BTRC: variants seen among roughly 807,000 people sequenced by gnomAD.
BTRC encodes beta-transducin repeat containing E3 ubiquitin protein ligase.
Under a neutral mutation model 85.5 loss-of-function variants are expected in BTRC, and 42 were observed. The observed-to-expected ratio is 0.49, with a 90% CI of 0.38 to 0.64. The LOEUF is 0.64. Ranked by LOEUF, BTRC falls within the 30% of genes least tolerant of loss-of-function variation. The probability of loss-of-function intolerance (pLI) is 0.00; values close to 1 mark genes in which losing one functional copy is unlikely to be tolerated. For synonymous variants in BTRC, 255 were observed against 263.3 expected (o/e 0.97, Z 0.30); for missense variants, 594 against 743.5 (o/e 0.80, Z 2.34).
At chr10:101,514,491 C>A (rs961128956) in intron 4 of BTRC, among the ~76,000 whole-genome samples, 1 of 150,236 alleles carries the variant, frequency 6.7e-6, no homozygotes, top group African/African-American at 2.5e-5. Flanking sequence ...AAAGCTCTGT[C>A]ACCCAATCTA....
In BTRC at chr10:101,415,459, CTTTTA is replaced by C. The variant is rs1159966259; in HGVS notation, c.49-14859_49-14855del. Among the ~76,000 whole-genome samples, 139 of 105,816 alleles carry C rather than the reference CTTTTA, an allele frequency of 1.3e-3. 2 individuals carry two copies. Among genetic ancestry groups the C allele is most frequent in the African/African-American group, 5.3e-3 (126 of 23,816 alleles). 69.4% of individuals were successfully genotyped at this position (105,816 alleles called of 152,430 possible). A position where few individuals can be genotyped will look rare whatever the true frequency, so the allele number is the denominator to read the frequency against. Reference sequence around the variant, plus strand: ...CCAAAGCCACCACACCCAGCCACCACTTTTATTTTATTTTATTTTATTTTATTTTA... The same window carrying C: ...CCAAAGCCACCACACCCAGCCACCACTTTTATTTTATTTTATTTTATTTTA... On this transcript the variant is annotated intron_variant, in intron 1 of 14. Coordinates refer to ENST00000370187, the MANE Select transcript of BTRC (RefSeq NM_033637.4).
intron 2 of BTRC, among the ~76,000 whole-genome samples, chr10:101,443,250 A>G (rs1480500501): frequency 6.6e-6 from 1 of 152,134 alleles, no homozygotes; most frequent in East Asian, 1.9e-4. Flanking sequence ...AAACCCTCCT[A>G]AGTGAAGTCA....
At chr10:101,367,059 AAT>A (rs1371852762) in intron 1 of BTRC, among the ~76,000 whole-genome samples, 7 of 79,284 alleles carry the variant, frequency 8.8e-5, no homozygotes, top group African/African-American at 2.8e-4. Flanking sequence ...TATATATATA[AAT>A]ATAAATATAT....
intron 3 of BTRC, among the ~76,000 whole-genome samples, chr10:101,473,663 G>A (rs915017458): frequency 6.6e-5 from 10 of 151,560 alleles, no homozygotes; most frequent in Non-Finnish European, 1.5e-4. Context: ...TAGAGATGGG[G>A]TTTCACCATG....
intron 4 of BTRC, among the ~76,000 whole-genome samples, chr10:101,505,141 A>ATATGTG (rs1564812178): frequency 1.8e-4 from 22 of 121,590 alleles, no homozygotes; most frequent in African/African-American, 5.8e-4. Context: ...ATATATATGT[A>ATATGTG]TATATATATG....
intron 3 of BTRC, among the ~76,000 whole-genome samples, chr10:101,463,187 A>G (rs1945276215): frequency 6.6e-6 from 1 of 152,128 alleles, no homozygotes. Flanking sequence ...CTGGGACTAC[A>G]GGTGCCCACT....
intron 1 of BTRC, among the ~76,000 whole-genome samples, chr10:101,371,423 C>T (rs916445166): frequency 3.3e-5 from 5 of 152,172 alleles, no homozygotes; most frequent in Middle Eastern, 3.4e-3. Context: ...GTGATCCGCC[C>T]GCCTCGGCCT....
intron 3 of BTRC, among the ~76,000 whole-genome samples, chr10:101,469,627 A>T (rs1471543043): frequency 6.6e-6 from 1 of 152,232 alleles, no homozygotes; most frequent in Non-Finnish European, 1.5e-5. Flanking sequence ...GGAAGTTTTC[A>T]TACAGTGAAT....
intron 2 of BTRC, among the ~76,000 whole-genome samples, chr10:101,435,353 A>C (rs1228482550): frequency 6.6e-6 from 1 of 152,130 alleles, no homozygotes; most frequent in Non-Finnish European, 1.5e-5. Flanking sequence ...ACTCCTTTCC[A>C]GTCTGTACCC....
intron 1 of BTRC, among the ~76,000 whole-genome samples, chr10:101,415,603 G>A (rs543455298): frequency 4.0e-5 from 6 of 148,844 alleles, no homozygotes; most frequent in East Asian, 3.9e-4. Flanking sequence ...GTGCAATGGC[G>A]TGATCTCGGC....
chr10:101,482,330 C>T (rs150420896), intron 4 of BTRC, among the ~76,000 whole-genome samples: 2 of 146,170 alleles, frequency 1.4e-5, no homozygotes, highest in Admixed American at 1.4e-4. Flanking sequence ...CAAGTTTTTT[C>T]TTTTTTATTT....
chr10:101,415,415 A>T (rs535747686), intron 1 of BTRC, among the ~76,000 whole-genome samples: 2 of 151,486 alleles, frequency 1.3e-5, no homozygotes, highest in East Asian at 3.9e-4. Context: ...GACTCAAGGG[A>T]TCTGCCCACC....
chr10:101,438,371 G>A (rs964030550), intron 2 of BTRC, among the ~76,000 whole-genome samples: 1 of 134,584 alleles, frequency 7.4e-6, no homozygotes, highest in Non-Finnish European at 1.5e-5. Context: ...CTTGCAGTGA[G>A]CCGAGATCGC....
intron 4 of BTRC, among the ~76,000 whole-genome samples, chr10:101,509,543 C>T (rs552800757): frequency 2.0e-5 from 3 of 148,676 alleles, no homozygotes; most frequent in Non-Finnish European, 4.5e-5. Flanking sequence ...CGTGAGCCAC[C>T]GCGCCCAGCC....
intron 1 of BTRC, among the ~76,000 whole-genome samples, chr10:101,363,338 C>T (rs1564727514): frequency 6.6e-6 from 1 of 152,152 alleles, no homozygotes; most frequent in Non-Finnish European, 1.5e-5. Context: ...AGCAGGAAAA[C>T]TGTGGGATAT....
rs1267627816 is a variant in BTRC at position 101,538,333 on chromosome 10, C to T, written c.1618C>T (p.Arg540Cys). The change falls in exon 13 of 15, where the codon CGT becomes TGT. Residue 540 changes from arginine (R) to cysteine (C), a missense_variant. By Grantham distance (180) the Arg-to-Cys change is radical. Transcript: ENST00000370187. Reference protein sequence around the residue: ...VWDLVAALDPRAPAGTLCLRT... With the variant: ...VWDLVAALDPCAPAGTLCLRT... ...GGATCTTGTGGCTGCTTTGGACCCC[C>T]GTGCTCCTGCAGGGACACTCTGTCT... 7 of 1,614,034 alleles carry T rather than the reference C, an allele frequency of 4.3e-6. No homozygotes were observed. The South Asian group carries it at 5.5e-5, about 13-fold the overall frequency.
Position 101,383,057 on chromosome 10 carries a change from ATTTT to A in BTRC, c.48+28848_48+28851del, listed in dbSNP as rs370353886. 1.4e-3 allele frequency among the ~76,000 whole-genome samples: 163 copies of A among 116,462 alleles called. 2 individuals carry two copies. The East Asian group carries it at 0.03, about 21-fold the overall frequency. The allele number at this position is 116,462 out of a possible 152,430, so 76.4% of individuals were successfully genotyped here. A position where few individuals can be genotyped will look rare whatever the true frequency, so the allele number is the denominator to read the frequency against. On this transcript the variant is annotated intron_variant, in intron 1 of 14. Coordinates refer to ENST00000370187, the MANE Select transcript of BTRC (RefSeq NM_033637.4). ...AGGACTTGTTGGGCCTTCCCTGGAGATTTTTTTTTTTTTTTTTTTTTTCTGAGAC... is the reference window on the plus strand; with the variant it reads ...AGGACTTGTTGGGCCTTCCCTGGAGATTTTTTTTTTTTTTTTTTCTGAGAC...
chr10:101,481,163 C>T (rs1259988339), intron 4 of BTRC, among the ~76,000 whole-genome samples: 1 of 152,086 alleles, frequency 6.6e-6, no homozygotes, highest in Non-Finnish European at 1.5e-5. Context: ...AGGCTGGTCT[C>T]GAACTCCTGG....
Position 101,478,269 on chromosome 10 carries a change from C to A in BTRC, c.235-1099C>A, listed in dbSNP as rs568981883. 2.6e-5 allele frequency among the ~76,000 whole-genome samples: 4 copies of A among 151,214 alleles called. No homozygotes were observed. The South Asian group carries it at 8.4e-4, about 32-fold the overall frequency. ...TGAGCCGAGATTGTGCCACTGCACT[C>A]CAGCCTGGGCAGCAGAGCAAGACTC... On this transcript the variant is annotated intron_variant, in intron 3 of 14. Coordinates refer to ENST00000370187, the MANE Select transcript of BTRC (RefSeq NM_033637.4).
Sources: allele counts gnomAD v4.1 joint callset (sites outside exome capture counted in the v4.1 genomes callset), GRCh38; gene constraint gnomAD v4.1.1; transcripts MANE v1.5; gene names NCBI Gene and HGNC (gene_info 2026-07-23, HGNC 2026-07-21).